The following ADGRL3 variants were observed in gnomAD, a reference collection of about 807,000 sequenced individuals.
ADGRL3 encodes adhesion G protein-coupled receptor L3.
ADGRL3 carries 62 observed loss-of-function variants against 153.5 expected under a neutral mutation model. That is an observed-to-expected ratio of 0.40 (90% CI 0.33 to 0.50). ADGRL3 has a LOEUF of 0.50. Among genes scored for constraint, ADGRL3 ranks in the 20% least tolerant of loss-of-function variants. The pLI is 0.47. For missense variants in ADGRL3, 1,641 were observed against 1,859.4 expected (o/e 0.88, Z 2.16); for synonymous variants, 710 against 672.5 (o/e 1.06, Z -0.86).
intron 4 of ADGRL3, among the ~76,000 whole-genome samples, chr4:61,581,768 A>C (rs1314557443): frequency 6.6e-6 from 1 of 152,016 alleles, no homozygotes; most frequent in Non-Finnish European, 1.5e-5. Flanking sequence ...ATTTGCTTAT[A>C]TGTCAGAAAC....
chr4:62,010,695 CTT>C (rs1010245312), intron 21 of ADGRL3, among the ~76,000 whole-genome samples: 8 of 31,146 alleles, frequency 2.6e-4, no homozygotes, highest in African/African-American at 4.3e-4. Context: ...TTAATGAAGT[CTT>C]ATGAAAAGGG....
At chr4:61,576,984 C>T (rs573637505) in intron 4 of ADGRL3, among the ~76,000 whole-genome samples, 22 of 151,912 alleles carry the variant, frequency 1.4e-4, no homozygotes, top group Admixed American at 1.4e-3. Context: ...ACATGTTTTT[C>T]AATGTTGAAG....
chr4:61,293,532 A>C (rs2150200592), intron 1 of ADGRL3, among the ~76,000 whole-genome samples: 1 of 152,282 alleles, frequency 6.6e-6, no homozygotes, highest in South Asian at 2.1e-4. Context: ...CTTATGACTT[A>C]TTTTAGTTAT....
intron 23 of ADGRL3, among the ~76,000 whole-genome samples, chr4:62,032,086 G>A (rs534935647): frequency 1.5e-3 from 223 of 151,246 alleles, no homozygotes; most frequent in African/African-American, 5.2e-3. Context: ...ACATATAAAT[G>A]TTTACACAGC....
chr4:61,815,170 T>C (rs1322093760), intron 9 of ADGRL3, among the ~76,000 whole-genome samples: 3 of 152,096 alleles, frequency 2.0e-5, no homozygotes, highest in African/African-American at 7.2e-5. Context: ...TATGTGAAGG[T>C]ATTTTTAAGG....
At chr4:61,609,468 A>T (rs546318340) in intron 5 of ADGRL3, among the ~76,000 whole-genome samples, 2 of 152,108 alleles carry the variant, frequency 1.3e-5, no homozygotes, top group Non-Finnish European at 2.9e-5. Flanking sequence ...GGCTATTAAT[A>T]TTTAATAGAC....
chr4:61,537,314 T>C (rs1330328294), intron 4 of ADGRL3, among the ~76,000 whole-genome samples: 1 of 152,098 alleles, frequency 6.6e-6, no homozygotes, highest in African/African-American at 2.4e-5. Flanking sequence ...GCCTTTAAGA[T>C]TTTTTTCTTC....
chr4:61,957,883 A>T, intron 17 of ADGRL3, among the ~76,000 whole-genome samples: 1 of 152,022 alleles, frequency 6.6e-6, no homozygotes, highest in Middle Eastern at 3.2e-3. Flanking sequence ...TTCTTCATAC[A>T]TGCTGTCTGC....
intron 4 of ADGRL3, among the ~76,000 whole-genome samples, chr4:61,538,475 T>G (rs1303377904): frequency 6.6e-6 from 1 of 152,142 alleles, no homozygotes; most frequent in South Asian, 2.1e-4. Context: ...GTTTCGATCT[T>G]GTTGCCCAGG....
chr4:61,844,546 CAAAAAA>C (rs71604517), intron 9 of ADGRL3, among the ~76,000 whole-genome samples: 46 of 17,518 alleles, frequency 2.6e-3, no homozygotes, highest in African/African-American at 0.013. Flanking sequence ...GACTGCATCT[CAAAAAA>C]AAAAAAAAAA....
intron 2 of ADGRL3, among the ~76,000 whole-genome samples, chr4:61,492,117 C>A (rs1175942328): frequency 6.6e-6 from 1 of 152,126 alleles, no homozygotes; most frequent in Non-Finnish European, 1.5e-5. Context: ...ACCAATTCAC[C>A]ATTACAATAA....
chr4:62,016,672 A>T (rs2151320730), intron 21 of ADGRL3, among the ~76,000 whole-genome samples: 1 of 152,098 alleles, frequency 6.6e-6, no homozygotes, highest in South Asian at 2.1e-4. Context: ...CTACTCAGGA[A>T]TTTTTTTTAT....
chr4:61,764,895 G>A (rs2096957778), intron 8 of ADGRL3, among the ~76,000 whole-genome samples: 1 of 151,706 alleles, frequency 6.6e-6, no homozygotes, highest in Non-Finnish European at 1.5e-5. Context: ...GGGTGATATT[G>A]TGGGGATGTT....
chr4:61,516,298 C>T (rs923476322), intron 3 of ADGRL3, among the ~76,000 whole-genome samples: 2 of 152,072 alleles, frequency 1.3e-5, no homozygotes, highest in African/African-American at 2.4e-5. Flanking sequence ...TTCTTAGTTT[C>T]TCTCCTGTTT....
chr4:61,998,582 T>C lies in ADGRL3; in HGVS notation c.3395+317T>C, dbSNP rs113765212. Among the ~76,000 whole-genome samples, 3 of 151,534 alleles carry C rather than the reference T, an allele frequency of 2.0e-5. No homozygotes were observed. In the South Asian group the frequency reaches 6.3e-4, roughly 32 times the overall value. On this transcript the variant is annotated intron_variant, in intron 21 of 26. Transcript: ENST00000683033. ...GGCAGGTTATTCTTTTTTTTTTTTT[T>C]ATTTAATTTTGAGATGGAGTTTCGT...
intron 5 of ADGRL3, among the ~76,000 whole-genome samples, chr4:61,598,407 A>T (rs1478726153): frequency 6.6e-6 from 1 of 152,214 alleles, no homozygotes; most frequent in East Asian, 1.9e-4. Context: ...TATCAGATAC[A>T]TATCTATACA....
chr4:61,766,338 G>A (rs1192302976), intron 8 of ADGRL3, among the ~76,000 whole-genome samples: 1 of 152,106 alleles, frequency 6.6e-6, no homozygotes, highest in African/African-American at 2.4e-5. Flanking sequence ...AGCATAGTTT[G>A]TGATTTTGAG....
chr4:61,218,899 T>C (rs1391868830), intron 1 of ADGRL3, among the ~76,000 whole-genome samples: 1 of 152,108 alleles, frequency 6.6e-6, no homozygotes, highest in East Asian at 1.9e-4. Context: ...GATTTTTATC[T>C]TAGGAGCAAT....
intron 17 of ADGRL3, among the ~76,000 whole-genome samples, chr4:61,965,970 T>A (rs927607228): frequency 2.6e-5 from 4 of 152,192 alleles, no homozygotes; most frequent in Admixed American, 2.0e-4. Flanking sequence ...TTTTATATTA[T>A]CTCACATTAT....
Sources: allele counts gnomAD v4.1 joint callset (sites outside exome capture counted in the v4.1 genomes callset), GRCh38; gene constraint gnomAD v4.1.1; transcripts MANE v1.5; gene names NCBI Gene and HGNC (gene_info 2026-07-23, HGNC 2026-07-21).